The following RNGTT variants were observed in gnomAD, a reference collection of about 807,000 sequenced individuals.
RNGTT encodes mRNA-capping enzyme.
Under a neutral mutation model 79.3 loss-of-function variants are expected in RNGTT, and 33 were observed. The ratio of observed to expected loss-of-function variants is 0.42; its 90% CI spans 0.32 to 0.56. The LOEUF is 0.56. RNGTT is among the 20% of genes least tolerant of loss of function. RNGTT has a pLI of 0.17. For synonymous variants in RNGTT, 222 were observed against 235.9 expected (o/e 0.94, Z 0.54); for missense variants, 497 against 739.1 (o/e 0.67, Z 3.80).
intron 12 of RNGTT, among the ~76,000 whole-genome samples, chr6:88,791,742 C>T (rs893292638): frequency 2.6e-4 from 39 of 152,002 alleles, no homozygotes; most frequent in South Asian, 4.2e-4. Flanking sequence ...GGTTTCACCA[C>T]GTTAGCCAGG....
At chr6:88,836,776 G>GA (rs1781095773) in intron 11 of RNGTT, among the ~76,000 whole-genome samples, 1 of 151,882 alleles carries the variant, frequency 6.6e-6, no homozygotes, top group Non-Finnish European at 1.5e-5. Context: ...CTTGGCTTAG[G>GA]AAAAGAGCAG....
At chr6:88,719,757 C>A (rs1207529389) in intron 13 of RNGTT, among the ~76,000 whole-genome samples, 1 of 152,124 alleles carries the variant, frequency 6.6e-6, no homozygotes, top group African/African-American at 2.4e-5. Flanking sequence ...TGTTTTATTT[C>A]TTTCAAAAGA....
At chr6:88,662,779 G>A (rs1379284747) in intron 14 of RNGTT, among the ~76,000 whole-genome samples, 1 of 152,230 alleles carries the variant, frequency 6.6e-6, no homozygotes, top group Non-Finnish European at 1.5e-5. Flanking sequence ...GCAGTGTGCG[G>A]CAGACCCCCG....
intron 8 of RNGTT, among the ~76,000 whole-genome samples, chr6:88,870,999 AC>A (rs1186263451): frequency 1.3e-5 from 2 of 152,222 alleles, no homozygotes; most frequent in Non-Finnish European, 2.9e-5. Context: ...TCATTAAAAT[AC>A]ATTAATTATT....
chr6:88,781,108 T>C (rs1223990496), intron 12 of RNGTT, among the ~76,000 whole-genome samples: 1 of 152,174 alleles, frequency 6.6e-6, no homozygotes, highest in Non-Finnish European at 1.5e-5. Context: ...GAAAACCTGA[T>C]GTAAATGAAG....
At chr6:88,848,319 C>T (rs2064632) in intron 10 of RNGTT, among the ~76,000 whole-genome samples, 42,960 of 151,874 alleles carry the variant, frequency 0.28, 8,825 homozygotes, top group African/African-American at 0.58. Flanking sequence ...AATGACGGAA[C>T]AGAGTTTTTA....
intron 12 of RNGTT, among the ~76,000 whole-genome samples, chr6:88,778,940 T>C (rs1363109857): frequency 6.6e-6 from 1 of 152,188 alleles, no homozygotes; most frequent in East Asian, 1.9e-4. Context: ...GAGAGATTTA[T>C]TTAGGTAACA....
intron 13 of RNGTT, among the ~76,000 whole-genome samples, chr6:88,724,803 C>T (rs1402049137): frequency 6.6e-6 from 1 of 152,178 alleles, no homozygotes. Flanking sequence ...TCCACCCTGA[C>T]TCATTCCCAT....
chr6:88,874,669 A>T (rs1209140331), intron 8 of RNGTT, among the ~76,000 whole-genome samples: 1 of 152,054 alleles, frequency 6.6e-6, no homozygotes, highest in African/African-American at 2.4e-5. Flanking sequence ...AAAAAAAAAA[A>T]TATGAAAATC....
chr6:88,725,613 T>TG (rs1361811736), intron 13 of RNGTT, among the ~76,000 whole-genome samples: 2 of 152,104 alleles, frequency 1.3e-5, no homozygotes, highest in South Asian at 2.1e-4. Context: ...GAAATCCCCA[T>TG]GGGGGGCGGG....
chr6:88,842,359 A>G (rs928933966), intron 11 of RNGTT, among the ~76,000 whole-genome samples: 5 of 152,150 alleles, frequency 3.3e-5, no homozygotes, highest in African/African-American at 1.2e-4. Flanking sequence ...TTGCTTTTAA[A>G]CACTAGATCT....
chr6:88,813,888 A>T (rs76281808), intron 11 of RNGTT, among the ~76,000 whole-genome samples: 273 of 152,302 alleles, frequency 1.8e-3, no homozygotes, highest in Non-Finnish European at 2.5e-3. Context: ...CAGGAATCAC[A>T]TCTTACATTC....
intron 13 of RNGTT, among the ~76,000 whole-genome samples, chr6:88,693,373 G>A (rs940142358): frequency 5.9e-5 from 9 of 151,918 alleles, no homozygotes; most frequent in African/African-American, 1.9e-4. Flanking sequence ...TAGAAGAAAC[G>A]GGTAAATTCC....
intron 13 of RNGTT, among the ~76,000 whole-genome samples, chr6:88,751,089 G>A (rs996855907): frequency 6.6e-6 from 1 of 152,124 alleles, no homozygotes; most frequent in Admixed American, 6.6e-5. Flanking sequence ...GTTATAACTA[G>A]CACTGCTACT....
chr6:88,765,151 C>G (rs1018108366), intron 13 of RNGTT, among the ~76,000 whole-genome samples: 6 of 149,428 alleles, frequency 4.0e-5, no homozygotes, highest in East Asian at 3.9e-4. Flanking sequence ...GAGATCCCAC[C>G]ACTGCACTCC....
chr6:88,796,812 TCTC>T (rs1779616921), intron 12 of RNGTT, among the ~76,000 whole-genome samples: 1 of 152,178 alleles, frequency 6.6e-6, no homozygotes, highest in Non-Finnish European at 1.5e-5. Flanking sequence ...ACAACTACTC[TCTC>T]CTTTTTAGTT....
At chr6:88,761,048 C>G (rs1778212099) in intron 13 of RNGTT, among the ~76,000 whole-genome samples, 1 of 148,220 alleles carries the variant, frequency 6.7e-6, no homozygotes. Context: ...CACACACACA[C>G]ACACATACAC....
chr6:88,838,735 C>CT (rs1582525264), intron 11 of RNGTT, among the ~76,000 whole-genome samples: 1 of 152,064 alleles, frequency 6.6e-6, no homozygotes, highest in Non-Finnish European at 1.5e-5. Flanking sequence ...TCCCAGTAGG[C>CT]TTTTTTGTAG....
intron 12 of RNGTT, among the ~76,000 whole-genome samples, chr6:88,794,920 C>T (rs1294078126): frequency 6.6e-6 from 1 of 152,242 alleles, no homozygotes; most frequent in East Asian, 1.9e-4. Context: ...AATCTAAGAT[C>T]TCATCTCTCT....
Sources: gnomAD v4.1 joint callset for allele counts (sites outside exome capture counted in the v4.1 genomes callset) on GRCh38, gnomAD v4.1.1 for gene constraint, MANE v1.5 for transcripts, NCBI Gene and HGNC (gene_info 2026-07-23, HGNC 2026-07-21) for gene names.